MRTFA: variants seen among roughly 807,000 people sequenced by gnomAD.
MRTFA encodes myocardin-related transcription factor A.
A neutral mutation model predicts 83.5 loss-of-function variants in MRTFA; 20 were observed. The observed-to-expected ratio is 0.24, with a 90% CI of 0.17 to 0.35. The LOEUF (loss-of-function observed/expected upper bound fraction) is 0.35, where lower values mean the gene tolerates loss of function less well. Among genes scored for constraint, MRTFA ranks in the 10% least tolerant of loss-of-function variants. The pLI is 1.00. For missense variants in MRTFA, 1,200 were observed against 1,224.7 expected (o/e 0.98, Z 0.30); for synonymous variants, 659 against 541.2 (o/e 1.22, Z -3.02).
Position 40,491,123 on chromosome 22 carries a change from G to A in MRTFA, c.242-27837C>T, listed in dbSNP as rs150693903. On this transcript the variant is annotated intron_variant, in intron 3 of 14. Coordinates refer to ENST00000355630, the MANE Select transcript of MRTFA (RefSeq NM_020831.6). ...TTTGGGAGGATGAGGCGGGAGGATC[G>A]CTTAAGGCTGGGGTTCAAGACCAGC... Among the ~76,000 whole-genome samples, 451 of 152,260 alleles carry A rather than the reference G, an allele frequency of 3.0e-3. 4 individuals are homozygous for A. Among genetic ancestry groups the A allele is most frequent in the African/African-American group, 0.01 (428 of 41,556 alleles).
At chr22:40,483,618 G>T (rs2054127964) in intron 3 of MRTFA, among the ~76,000 whole-genome samples, 2 of 151,560 alleles carry the variant, frequency 1.3e-5, no homozygotes, top group Admixed American at 1.3e-4. Flanking sequence ...CCAGGAGGCA[G>T]AGCTGGCAGT....
chr22:40,604,483 T>C (rs2056296560), intron 1 of MRTFA, among the ~76,000 whole-genome samples: 1 of 151,670 alleles, frequency 6.6e-6, no homozygotes, highest in African/African-American at 2.4e-5. Context: ...GCGCGGTGGC[T>C]CATGCCTGTA....
chr22:40,435,102 G>C (rs1006049266), intron 5 of MRTFA, among the ~76,000 whole-genome samples: 1 of 152,240 alleles, frequency 6.6e-6, no homozygotes, highest in South Asian at 2.1e-4. Context: ...GTGTAACCCC[G>C]GACTTGGGAA....
chr22:40,543,347 A>C (rs2055318565), intron 3 of MRTFA, among the ~76,000 whole-genome samples: 1 of 152,202 alleles, frequency 6.6e-6, no homozygotes, highest in South Asian at 2.1e-4. Flanking sequence ...TACAGAAAAA[A>C]ATACATGATC....
rs187086083 is a variant in MRTFA, at chr22:40,572,711, C to T, written c.-21-20344G>A. On this transcript the variant is annotated intron_variant, in intron 2 of 14. Coordinates refer to ENST00000355630, the MANE Select transcript of MRTFA (RefSeq NM_020831.6). Reference sequence around the variant, plus strand: ...GAAACCTCACAATCACAGCAGAAGGCAACGAGAAGCAAGTCGCGTCTTACA... The same window carrying T: ...GAAACCTCACAATCACAGCAGAAGGTAACGAGAAGCAAGTCGCGTCTTACA... Among the ~76,000 whole-genome samples the T allele has an allele frequency of 1.6e-3, 236 of 152,230 alleles. 3 individuals carry two copies. The highest frequency in any genetic ancestry group is 1.2e-3 in the South Asian group (6 of 4,822).
chr22:40,469,546 T>C (rs2053865177), intron 3 of MRTFA, among the ~76,000 whole-genome samples: 1 of 152,136 alleles, frequency 6.6e-6, no homozygotes, highest in Non-Finnish European at 1.5e-5. Flanking sequence ...CAGCCTCATG[T>C]ACCCCTTTTA....
intron 4 of MRTFA, chr22:40,439,928 G>C (rs1449270727): frequency 1.3e-5 from 2 of 156,754 alleles, no homozygotes; most frequent in Admixed American, 6.4e-5. Context: ...CAGGCAGGCA[G>C]ATCACCTGAG....
intron 9 of MRTFA, 119 bp downstream of exon 9, chr22:40,423,417 C>T (rs1014302956): frequency 5.0e-5 from 47 of 938,780 alleles, no homozygotes; most frequent in Admixed American, 1.6e-4. Context: ...AACTCCCAGA[C>T]CAATGGGAGA....
At chr22:40,626,866 A>AACACACACACACACACACACAC (rs141945541) in intron 1 of MRTFA, among the ~76,000 whole-genome samples, 14 of 145,126 alleles carry the variant, frequency 9.6e-5, no homozygotes, top group African/African-American at 3.6e-4. Context: ...CCCTGTCTCA[A>AACACACACACACACACACACAC]ACACACACAC....
intron 3 of MRTFA, among the ~76,000 whole-genome samples, chr22:40,486,902 G>A (rs1175592547): frequency 6.6e-6 from 1 of 152,236 alleles, no homozygotes. Context: ...GAGCCTAGGG[G>A]GTCAAGGCTG....
chr22:40,478,748 C>G (rs1468018864), intron 3 of MRTFA, among the ~76,000 whole-genome samples: 2 of 152,144 alleles, frequency 1.3e-5, no homozygotes, highest in Non-Finnish European at 2.9e-5. Flanking sequence ...CTGGTGGAGG[C>G]AAACCAGTGT....
chr22:40,411,332 C>T lies in MRTFA; in HGVS notation c.*58G>A, dbSNP rs1268143607. 6.7e-7 allele frequency: 1 copy of T among 1,497,120 alleles called. No individual in the cohort carries two copies. The highest frequency in any genetic ancestry group is 2.3e-5 in the East Asian group (1 of 43,576). 92.7% of individuals were successfully genotyped at this position (1,497,120 alleles called of 1,614,324 possible). On this transcript the variant is annotated 3_prime_UTR_variant, in exon 15 of 15. Transcript: ENST00000355630. Reference sequence around the variant, plus strand: ...GAGAGGCCGAATCACGCAGGAGAGCCACGCATTGGAGTACCCTGGCTCCCA... The same window carrying T: ...GAGAGGCCGAATCACGCAGGAGAGCTACGCATTGGAGTACCCTGGCTCCCA...
chr22:40,515,237 T>C (rs541798410), intron 3 of MRTFA, among the ~76,000 whole-genome samples: 2 of 152,204 alleles, frequency 1.3e-5, no homozygotes, highest in South Asian at 4.2e-4. Context: ...ATTTATTTCA[T>C]TCATTAACAT....
chr22:40,489,099 T>C (rs879736286), intron 3 of MRTFA, among the ~76,000 whole-genome samples: 1 of 151,974 alleles, frequency 6.6e-6, no homozygotes, highest in Admixed American at 6.6e-5. Flanking sequence ...AAAATAAAGC[T>C]ATAAAAAAAG....
At chr22:40,514,474 AT>A (rs979030081) in intron 3 of MRTFA, among the ~76,000 whole-genome samples, 272 of 129,078 alleles carry the variant, frequency 2.1e-3, no homozygotes, top group African/African-American at 1.6e-3. Flanking sequence ...TCCCTCCTAC[AT>A]TTTTTTTTTT....
At chr22:40,458,130 G>A (rs2053630095) in intron 4 of MRTFA, among the ~76,000 whole-genome samples, 1 of 152,136 alleles carries the variant, frequency 6.6e-6, no homozygotes, top group African/African-American at 2.4e-5. Flanking sequence ...TGGATTTCAA[G>A]ACCAGCTCCC....
chr22:40,459,814 C>CACACAA (rs1555973758), intron 4 of MRTFA, among the ~76,000 whole-genome samples: 5 of 106,224 alleles, frequency 4.7e-5, no homozygotes, highest in Non-Finnish European at 9.1e-5. Flanking sequence ...CACACACACA[C>CACACAA]ACACACACAT....
chr22:40,632,604 T>C (rs1569361467), intron 1 of MRTFA, among the ~76,000 whole-genome samples: 1 of 152,088 alleles, frequency 6.6e-6, no homozygotes, highest in Non-Finnish European at 1.5e-5. Flanking sequence ...CCTACCTAAT[T>C]TTTGTATTTT....
At chr22:40,551,147 T>G (rs965095774) in intron 3 of MRTFA, among the ~76,000 whole-genome samples, 1 of 152,044 alleles carries the variant, frequency 6.6e-6, no homozygotes, top group African/African-American at 2.4e-5. Flanking sequence ...CTTTATACAT[T>G]TTCTCAAATC....
Sources: gnomAD v4.1 joint callset for allele counts (sites outside exome capture counted in the v4.1 genomes callset) on GRCh38, gnomAD v4.1.1 for gene constraint, MANE v1.5 for transcripts, NCBI Gene and HGNC (gene_info 2026-07-23, HGNC 2026-07-21) for gene names.